RFX1: variants seen among roughly 807,000 people sequenced by gnomAD.
The protein encoded by RFX1 is regulatory factor X1.
RFX1 carries 42 observed loss-of-function variants against 119.6 expected under a neutral mutation model. The ratio of observed to expected loss-of-function variants is 0.35; its 90% CI spans 0.27 to 0.45. The LOEUF is 0.45. Ranked by LOEUF, RFX1 falls within the 20% of genes least tolerant of loss-of-function variation. The pLI is 1.00. For synonymous variants in RFX1, 628 were observed against 618.5 expected (o/e 1.02, Z -0.23); for missense variants, 1,118 against 1,368.1 (o/e 0.82, Z 2.88).
Position 13,965,581 on chromosome 19 carries a change from C to T in RFX1, c.2114-35G>A, listed in dbSNP as rs1022635456. ...GTGGCGGGGGTCGGTCAGGGCAGGG[C>T]GGGTGTATGTGGGGCAGGGGATGCC... On this transcript the variant is annotated intron_variant, in intron 15 of 20. Transcript: ENST00000254325. The surrounding 1 kb of genome is among the most constrained non-coding windows in gnomAD (Gnocchi z 4.7). The T allele has an allele frequency of 7.6e-6, 12 of 1,588,762 alleles. No homozygotes were observed. The highest frequency in any genetic ancestry group is 4.1e-5 in the African/African-American group (3 of 73,608).
In RFX1 at chr19:13,966,436, G is replaced by A. The variant is rs747372190; in HGVS notation, c.1946C>T (p.Ala649Val). ...CAGTACTCACACAGCCAGCGGTGGC[G>A]CCTCACTGGGCTGGCTGAGGTTGTA... ...WRYNLSQPSE[A>V]PPLAVHDEAE... is the part of the protein sequence containing the mutation. Residue 649 changes from alanine to valine, a missense_variant, in exon 14 of 21, where the codon GCG becomes GTG. Around this residue, in one of 5 missense-constraint regions of RFX1, gnomAD observed 338 missense variants for 508.9 expected, o/e 0.66. Transcript: ENST00000254325. This position sits in a 1 kb window ranked among gnomAD's most constrained non-coding sequence, Gnocchi z 6.3. The A allele has an allele frequency of 7.0e-5, 113 of 1,607,940 alleles. No homozygotes were observed. The South Asian group carries it at 9.6e-4, about 14-fold the overall frequency.
At position 13,983,444 on chromosome 19, in the gene RFX1, C is replaced by A. The variant is rs776171419; in HGVS notation, c.429+42G>T. On this transcript the variant is annotated intron_variant, in intron 3 of 20. Coordinates refer to ENST00000254325, the MANE Select transcript of RFX1 (RefSeq NM_002918.5). ...CGAGGACGCAGCCTGCACTGCCCCCCTCCCGGGCCCTCCCCCACCCCCTGG... is the reference window on the plus strand; with the variant it reads ...CGAGGACGCAGCCTGCACTGCCCCCATCCCGGGCCCTCCCCCACCCCCTGG... 2.7e-4 allele frequency: 405 copies of A among 1,494,936 alleles called. 2 individuals carry two copies. The highest frequency in any genetic ancestry group is 4.8e-5 in the Non-Finnish European group (53 of 1,096,326). 92.6% of individuals were successfully genotyped at this position (1,494,936 alleles called of 1,614,324 possible).
chr19:13,980,387 A>C lies in RFX1; in HGVS notation c.738+186T>G, dbSNP rs990565111. Among the ~76,000 whole-genome samples the C allele has an allele frequency of 2.0e-5, 3 of 152,132 alleles. No homozygotes were observed. Among genetic ancestry groups the C allele is most frequent in the Non-Finnish European group, 4.4e-5 (3 of 68,004 alleles). ...ATTTCGTCCTCCCCGCGGCTCCCCC[A>C]TCCTCTAGCCCCAGGATGCTGAGTC... On this transcript the variant is annotated intron_variant, in intron 6 of 20. Transcript: ENST00000254325. This position sits in a 1 kb window ranked among gnomAD's most constrained non-coding sequence, Gnocchi z 5.1.
intron 9 of RFX1, among the ~76,000 whole-genome samples, chr19:13,972,161 C>A (rs1974103161): frequency 6.7e-6 from 1 of 148,772 alleles, no homozygotes; most frequent in Non-Finnish European, 1.5e-5. Context: ...AGAACAAAAC[C>A]CTGTCTCAAA....
At chr19:13,987,996 G>GCTC (rs1418592202) in intron 2 of RFX1, among the ~76,000 whole-genome samples, 2 of 149,532 alleles carry the variant, frequency 1.3e-5, no homozygotes, top group Non-Finnish European at 3.0e-5. Flanking sequence ...ACCATGCCTT[G>GCTC]CTCTTGACTT....
In RFX1 at chr19:13,986,381, G is replaced by C. The variant is rs919736310; in HGVS notation, c.320-2786C>G. On this transcript the variant is annotated intron_variant, in intron 2 of 20. Coordinates refer to ENST00000254325, the MANE Select transcript of RFX1 (RefSeq NM_002918.5). The surrounding 1 kb of genome is among the most constrained non-coding windows in gnomAD (Gnocchi z 4.2). The stretch of plus-strand genomic sequence containing the variant: ...CCTCTGGGGTAGCCCTCAAGGCTGG[G>C]ACCCCGCCTGCCAGCCCAGGAGGGC... Among the ~76,000 whole-genome samples, 1 of 152,182 alleles carries C rather than the reference G, an allele frequency of 6.6e-6. No homozygotes were observed. The highest frequency in any genetic ancestry group is 2.4e-5 in the African/African-American group (1 of 41,460).
At chr19:13,984,010 G>A (rs1009261746) in intron 2 of RFX1, among the ~76,000 whole-genome samples, 7 of 152,088 alleles carry the variant, frequency 4.6e-5, no homozygotes, top group Non-Finnish European at 1.0e-4. Flanking sequence ...CTTCTCTGGG[G>A]TGACCCTGGC....
rs1974576175 is a variant in RFX1, at chr19:13,985,874, G to A, written c.320-2279C>T. Among the ~76,000 whole-genome samples the A allele has an allele frequency of 6.6e-6, 1 of 152,068 alleles. No individual in the cohort carries two copies. The highest frequency in any genetic ancestry group is 6.5e-5 in the Admixed American group (1 of 15,280). ...GGCAGAGCGCAGGAGTGTGTGTTGG[G>A]GGCGGGGGTTGCCAGATGTGGGAGG... On this transcript the variant is annotated intron_variant, in intron 2 of 20. Transcript: ENST00000254325. This position sits in a 1 kb window ranked among gnomAD's most constrained non-coding sequence, Gnocchi z 4.3.
intron 1 of RFX1, among the ~76,000 whole-genome samples, chr19:14,003,123 C>A (rs1301865311): frequency 2.0e-5 from 3 of 152,078 alleles, no homozygotes; most frequent in African/African-American, 7.2e-5. Context: ...GCTGGGACTA[C>A]TACAGTCATG....
At chr19:13,972,659 G>T in intron 9 of RFX1, 84 bp downstream of exon 9, 2 of 1,055,766 alleles carry the variant, frequency 1.9e-6, no homozygotes, top group Non-Finnish European at 2.7e-6. Flanking sequence ...AGCGGTGGTT[G>T]GTAACCACCG....
At chr19:13,975,710 G>A (rs184368927) in intron 8 of RFX1, among the ~76,000 whole-genome samples, 3 of 152,356 alleles carry the variant, frequency 2.0e-5, no homozygotes, top group African/African-American at 4.8e-5. Context: ...AGGTTGCTTT[G>A]GTAGATGGTT....
At chr19:13,973,183 G>A (rs1455320564) in intron 8 of RFX1, 56 bp from the exon 9 acceptor site, 1 of 1,374,242 alleles carries the variant, frequency 7.3e-7, no homozygotes, top group African/African-American at 1.4e-5. Flanking sequence ...GGGGGGCCGA[G>A]GGGCATGACT....
intron 5 of RFX1, among the ~76,000 whole-genome samples, chr19:13,981,509 T>A (rs1280300127): frequency 3.3e-5 from 5 of 152,140 alleles, no homozygotes; most frequent in African/African-American, 1.2e-4. Flanking sequence ...GACAGGAGAA[T>A]CGCTTGAACC....
chr19:13,979,190 C>G (rs1974351717), intron 7 of RFX1, among the ~76,000 whole-genome samples: 1 of 152,206 alleles, frequency 6.6e-6, no homozygotes, highest in African/African-American at 2.4e-5. Flanking sequence ...GAGGGAAGAT[C>G]CCCGCCGCCC....
In RFX1 at chr19:13,972,822, G is replaced by C; in HGVS notation, c.1235C>G (p.Thr412Ser). The C allele has an allele frequency of 6.2e-7, 1 of 1,604,270 alleles. No homozygotes were observed. The highest frequency in any genetic ancestry group is 8.5e-7 in the Non-Finnish European group (1 of 1,176,612). ...CATGTAGCCGCCTTGGATCACGTAG[G>C]TGCCTGCTCCGCTGCCGCCGCCTCC... Reference protein sequence around the residue: ...STGGGGSGAGTYVIQGGYMLG... With the variant: ...STGGGGSGAGSYVIQGGYMLG... The change falls in exon 9 of 21, where the codon ACC becomes AGC. Residue 412 changes from threonine (T) to serine (S), a missense_variant. By Grantham distance (58) the Thr-to-Ser change is moderately conservative. Coordinates refer to ENST00000254325, the MANE Select transcript of RFX1 (RefSeq NM_002918.5).
chr19:13,969,459 C>T lies in RFX1; in HGVS notation c.1496+535G>A, dbSNP rs548056129. Among the ~76,000 whole-genome samples, 1 of 152,176 alleles carries T rather than the reference C, an allele frequency of 6.6e-6. No homozygotes were observed. Among genetic ancestry groups the T allele is most frequent in the East Asian group, 1.9e-4 (1 of 5,178 alleles). ...CTTGAGGACAGGAGTTCAAGACCAG[C>T]CTGGCCAACATAGCAAAGCCCTGTC... On this transcript the variant is annotated intron_variant, in intron 10 of 20. Coordinates refer to ENST00000254325, the MANE Select transcript of RFX1 (RefSeq NM_002918.5). The surrounding 1 kb of genome is among the most constrained non-coding windows in gnomAD (Gnocchi z 4.5).
chr19:13,969,131 G>A lies in RFX1; in HGVS notation c.1497-237C>T, dbSNP rs541139088. 1.3e-5 allele frequency among the ~76,000 whole-genome samples: 2 copies of A among 152,350 alleles called. No homozygotes were observed. Among genetic ancestry groups the A allele is most frequent in the African/African-American group, 2.4e-5 (1 of 41,584 alleles). ...TGGCTGAATGGATGAATGGCTGAAC[G>A]AGGTGACGCTGAAGCTGGGAATGGG... On this transcript the variant is annotated intron_variant, in intron 10 of 20. Transcript: ENST00000254325. The surrounding 1 kb of genome is among the most constrained non-coding windows in gnomAD (Gnocchi z 4.5).
chr19:13,978,942 GGGC>G (rs1241760900), intron 7 of RFX1, among the ~76,000 whole-genome samples: 1 of 151,804 alleles, frequency 6.6e-6, no homozygotes, highest in Non-Finnish European at 1.5e-5. Context: ...GCTCGTAATG[GGGC>G]GGCGGCGGCT....
intron 2 of RFX1, among the ~76,000 whole-genome samples, chr19:13,988,571 G>C (rs904542328): frequency 7.2e-4 from 110 of 152,342 alleles, no homozygotes; most frequent in African/African-American, 2.5e-3. Context: ...TGCAGGAGCT[G>C]ATGGGACATG....
Sources: allele counts gnomAD v4.1 joint callset (sites outside exome capture counted in the v4.1 genomes callset), GRCh38; gene constraint gnomAD v4.1.1; regional missense constraint gnomAD v4.1.1; non-coding constraint Gnocchi (gnomAD v3.1); transcripts MANE v1.5; gene names NCBI Gene and HGNC (gene_info 2026-07-23, HGNC 2026-07-21).